The following FBN2 variants were observed in gnomAD, a reference collection of about 807,000 sequenced individuals.
FBN2 encodes fibrillin 2.
A neutral mutation model predicts 355.6 loss-of-function variants in FBN2; 105 were observed. That is an observed-to-expected ratio of 0.30 (90% CI 0.25 to 0.35). The LOEUF is 0.35. FBN2 is among the 10% of genes least tolerant of loss of function. FBN2 has a pLI of 1.00. For missense variants in FBN2, 3,280 were observed against 3,758.7 expected, an observed-to-expected ratio of 0.87 and a Z score of 3.33; for synonymous variants, 1,350 against 1,301.2, an observed-to-expected ratio of 1.04 and a Z score of -0.81.
chr5:128,369,132 G>A (rs1468724041), intron 16 of FBN2, 50 bp downstream of exon 16: 1 of 1,582,556 alleles, frequency 6.3e-7, no homozygotes, highest in Non-Finnish European at 8.7e-7. Context: ...AACATCTAAG[G>A]TTGTATTTCT....
At chr5:128,443,829 A>G (rs1753988025) in intron 7 of FBN2, among the ~76,000 whole-genome samples, 1 of 152,144 alleles carries the variant, frequency 6.6e-6, no homozygotes, top group African/African-American at 2.4e-5. Flanking sequence ...TAATAAATTA[A>G]AATATTTTAC....
At chr5:128,537,272 G>A in intron 1 of FBN2, 78 bp downstream of exon 1, 1 of 1,587,728 alleles carries the variant, frequency 6.3e-7, no homozygotes, top group Non-Finnish European at 8.5e-7. Context: ...GGACGGAGTG[G>A]GCCAGAAAGC....
Position 128,489,074 on chromosome 5 carries a change from G to A in FBN2, c.629-24153C>T, listed in dbSNP as rs562496830. Among the ~76,000 whole-genome samples, 338 of 151,864 alleles carry A rather than the reference G, an allele frequency of 2.2e-3. 1 individual carries two copies. Among genetic ancestry groups the A allele is most frequent in the African/African-American group, 6.7e-3 (276 of 41,326 alleles). Reference sequence around the variant, plus strand: ...AGTTCTAGATCCCTGAGGAATCGCCGCACTGACTTCCACAATGGTTGAACT... The same window carrying A: ...AGTTCTAGATCCCTGAGGAATCGCCACACTGACTTCCACAATGGTTGAACT... On this transcript the variant is annotated intron_variant, in intron 5 of 64. Coordinates refer to ENST00000262464, the MANE Select transcript of FBN2 (RefSeq NM_001999.4).
chr5:128,271,444 A>G (rs1203834485), intron 62 of FBN2, among the ~76,000 whole-genome samples: 1 of 152,246 alleles, frequency 6.6e-6, no homozygotes, highest in Non-Finnish European at 1.5e-5. Flanking sequence ...TTATCAATGC[A>G]AGGAACAGAG....
At chr5:128,266,739 G>A (rs536427375) in intron 62 of FBN2, among the ~76,000 whole-genome samples, 3 of 151,896 alleles carry the variant, frequency 2.0e-5, no homozygotes, top group African/African-American at 7.2e-5. Flanking sequence ...TAAGGTCTAT[G>A]GAATTAACCA....
intron 11 of FBN2, among the ~76,000 whole-genome samples, chr5:128,391,801 A>G (rs1382809803): frequency 1.3e-5 from 2 of 152,162 alleles, no homozygotes; most frequent in Non-Finnish European, 2.9e-5. Context: ...GACAGAAATC[A>G]CAATATTTAG....
At position 128,357,393 on chromosome 5, in the gene FBN2, T is replaced by C. The variant is rs148598779; in HGVS notation, c.2557A>G (p.Ile853Val). ...FRTETETCED[I>V]NECESNPCVN... ...CATGGGTTGCTTTCACATTCATTTA[T>C]ATCTACAATCCAGAAGGAAAAGATT... The change falls in exon 20 of 65, where the codon ATA becomes GTA. Residue 853 changes from isoleucine to valine, a missense_variant and splice_region_variant. Ile to Val is a conservative substitution (Grantham distance 29). Coordinates refer to ENST00000262464, the MANE Select transcript of FBN2 (RefSeq NM_001999.4). 40 of 1,613,748 alleles carry C rather than the reference T, an allele frequency of 2.5e-5. No individual in the cohort carries two copies. The highest frequency in any genetic ancestry group is 3.1e-5 in the Non-Finnish European group (37 of 1,179,758).
At chr5:128,459,751 T>C (rs1042410993) in intron 6 of FBN2, among the ~76,000 whole-genome samples, 3 of 152,164 alleles carry the variant, frequency 2.0e-5, no homozygotes, top group African/African-American at 4.8e-5. Context: ...ATACTTTCTA[T>C]AAAAGTCAAC....
In FBN2 at chr5:128,351,577, A is replaced by G. The variant is rs183658659; in HGVS notation, c.2675-572T>C. On this transcript the variant is annotated intron_variant, in intron 20 of 64. Coordinates refer to ENST00000262464, the MANE Select transcript of FBN2 (RefSeq NM_001999.4). ...AAAAAAAAGAAAAAATTTTAATAGC[A>G]TATACTTTGAAAATACTTTCATGTA... 3.5e-4 allele frequency among the ~76,000 whole-genome samples: 54 copies of G among 152,196 alleles called. 1 individual carries two copies. The East Asian group carries it at 0.01, about 29-fold the overall frequency.
chr5:128,338,838 C>T (rs1323513879), intron 26 of FBN2, 95 bp downstream of exon 26: 12 of 1,333,154 alleles, frequency 9.0e-6, no homozygotes, highest in Non-Finnish European at 1.3e-5. Flanking sequence ...GCCACACATG[C>T]CGTTCACAGC....
chr5:128,283,933 A>C (rs1749058367), intron 55 of FBN2, among the ~76,000 whole-genome samples: 1 of 152,154 alleles, frequency 6.6e-6, no homozygotes, highest in African/African-American at 2.4e-5. Flanking sequence ...ATCCATCAGA[A>C]ATCCAATCTG....
intron 5 of FBN2, among the ~76,000 whole-genome samples, chr5:128,468,272 CA>C (rs931791708): frequency 2.0e-5 from 3 of 152,166 alleles, no homozygotes; most frequent in African/African-American, 7.2e-5. Context: ...ATCAATACTT[CA>C]TTTCTTCTAA....
At chr5:128,506,909 T>C (rs866340081) in intron 5 of FBN2, among the ~76,000 whole-genome samples, 8 of 152,246 alleles carry the variant, frequency 5.3e-5, no homozygotes, top group Middle Eastern at 6.8e-3. Flanking sequence ...AAACACGATG[T>C]TTTTTAATAT....
chr5:128,313,991 T>G (rs1438036773), intron 36 of FBN2, among the ~76,000 whole-genome samples: 1 of 151,650 alleles, frequency 6.6e-6, no homozygotes, highest in Admixed American at 6.6e-5. Flanking sequence ...TCTAATGTAA[T>G]AGTTTTCTAA....
intron 5 of FBN2, among the ~76,000 whole-genome samples, chr5:128,492,849 T>C (rs1404286223): frequency 6.8e-6 from 1 of 147,390 alleles, no homozygotes; most frequent in Admixed American, 6.8e-5. Context: ...GAAATACCTA[T>C]TGGCATATGG....
chr5:128,295,946 C>T (rs1486526882), intron 48 of FBN2, among the ~76,000 whole-genome samples: 2 of 146,066 alleles, frequency 1.4e-5, no homozygotes, highest in Non-Finnish European at 3.0e-5. Context: ...CAGTTTTTGC[C>T]CATTCAGTAT....
At chr5:128,384,057 TATAA>T (rs1473022039) in intron 11 of FBN2, among the ~76,000 whole-genome samples, 3 of 152,202 alleles carry the variant, frequency 2.0e-5, no homozygotes, top group African/African-American at 4.8e-5. Context: ...CTTGGGAATA[TATAA>T]ATAAACTGTG....
chr5:128,342,887 C>T (rs1295699459), intron 25 of FBN2, among the ~76,000 whole-genome samples: 1 of 152,056 alleles, frequency 6.6e-6, no homozygotes, highest in Non-Finnish European at 1.5e-5. Context: ...TACCACCATG[C>T]CCGGCTAATT....
In FBN2 at chr5:128,455,912, C is replaced by T. The variant is rs75357500; in HGVS notation, c.826+8812G>A. Among the ~76,000 whole-genome samples the T allele has an allele frequency of 8.1e-3, 1,106 of 136,016 alleles. 13 individuals carry two copies. The highest frequency in any genetic ancestry group is 0.028 in the African/African-American group (1,020 of 36,160). The allele number at this position is 136,016 out of a possible 152,430, so 89.2% of individuals were successfully genotyped here. On this transcript the variant is annotated intron_variant, in intron 6 of 64. Transcript: ENST00000262464. ...ATCTGCTTAAGCCTATGGAGCCCCC[C>T]GGGGGTTGTGGCGACCAGCTCCAGC...
Sources: gnomAD v4.1 joint callset for allele counts (sites outside exome capture counted in the v4.1 genomes callset) on GRCh38, gnomAD v4.1.1 for gene constraint, MANE v1.5 for transcripts, NCBI Gene and HGNC (gene_info 2026-07-23, HGNC 2026-07-21) for gene names.